DGKE: variants seen among roughly 807,000 people sequenced by gnomAD.
DGKE encodes the protein diacylglycerol kinase epsilon.
Under a neutral mutation model 70.0 loss-of-function variants are expected in DGKE, and 53 were observed. The observed-to-expected ratio is 0.76, with a 90% CI of 0.61 to 0.95. The LOEUF (loss-of-function observed/expected upper bound fraction) is 0.95. DGKE is among the 40% of genes least tolerant of loss of function. DGKE has a pLI of 0.00. For missense variants in DGKE, 655 were observed against 706.9 expected, an observed-to-expected ratio of 0.93 and a Z score of 0.83; for synonymous variants, 291 against 257.0, an observed-to-expected ratio of 1.13 and a Z score of -1.27.
chr17:56,850,201 C>T (rs1388555514), intron 7 of DGKE, among the ~76,000 whole-genome samples: 2 of 151,898 alleles, frequency 1.3e-5, no homozygotes, highest in Non-Finnish European at 2.9e-5. Context: ...TGACAGCTCA[C>T]TGCAGCCTCG....
chr17:56,836,459 A>G (rs1038520106), intron 2 of DGKE: 3 of 152,232 alleles, frequency 2.0e-5, no homozygotes, highest in Non-Finnish European at 4.4e-5. Context: ...AATAAATTTC[A>G]TAATGAATTG....
In DGKE at chr17:56,862,106, TC is replaced by T. The variant is rs971241685; in HGVS notation, c.1413-33del. The T allele has an allele frequency of 3.7e-6, 6 of 1,604,870 alleles. No homozygotes were observed. In the African/African-American group the frequency reaches 6.7e-5, roughly 18 times the overall value. The stretch of plus-strand genomic sequence containing the variant: ...CTAGCATAACTGATTTTTTATTGCA[TC>T]ATATAATCCATATTTTCTTTTTCCA... On this transcript the variant is annotated intron_variant, in intron 10 of 11. Transcript: ENST00000284061.
At chr17:56,862,327 C>CTAAA in intron 11 of DGKE, 76 bp downstream of exon 11, 1 of 1,341,990 alleles carries the variant, frequency 7.5e-7, no homozygotes, top group Non-Finnish European at 1.1e-6. Flanking sequence ...AATATACATG[C>CTAAA]TATACTTTTC....
intron 6 of DGKE, 136 bp downstream of exon 6, chr17:56,848,989 T>C (rs1414453834): frequency 3.0e-6 from 4 of 1,315,794 alleles, no homozygotes; most frequent in Non-Finnish European, 4.2e-6. Flanking sequence ...ACACAGATAC[T>C]GGTGTTTTGT....
At chr17:56,856,416 T>A (rs761358811) in intron 7 of DGKE, 96 bp from the exon 8 acceptor site, 2 of 1,337,004 alleles carry the variant, frequency 1.5e-6, no homozygotes, top group Non-Finnish European at 2.0e-6. Flanking sequence ...AGCATCTCCA[T>A]TGTCAAAAGA....
At chr17:56,849,339 T>C (rs1907510290) in intron 7 of DGKE, 107 bp downstream of exon 7, 2 of 1,005,402 alleles carry the variant, frequency 2.0e-6, no homozygotes, top group African/African-American at 1.6e-5. Flanking sequence ...GGGAGCTGGC[T>C]GTGGAGCAGA....
chr17:56,837,584 G>C (rs910268781), intron 2 of DGKE, among the ~76,000 whole-genome samples: 7 of 152,140 alleles, frequency 4.6e-5, no homozygotes, highest in Non-Finnish European at 8.8e-5. Context: ...ATTTATGTTG[G>C]CCAATAATTG....
Position 56,867,904 on chromosome 17 carries a change from T to TC in DGKE, c.*5115dup, listed in dbSNP as rs1908597532. On this transcript the variant is annotated 3_prime_UTR_variant, in exon 12 of 12. Coordinates refer to ENST00000284061, the MANE Select transcript of DGKE (RefSeq NM_003647.3). ...TGGGGCCTGGGCCAAAGAGTGAGAC[T>TC]CCATCTCAAAAAAAAAAAAAAAGAA... 7.1e-6 allele frequency: 1 copy of TC among 140,926 alleles called. No homozygotes were observed. The highest frequency in any genetic ancestry group is 1.5e-5 in the Non-Finnish European group (1 of 64,800). 8.7% of individuals were successfully genotyped at this position (140,926 alleles called of 1,614,324 possible).
chr17:56,854,856 G>A (rs1416954075), intron 7 of DGKE, among the ~76,000 whole-genome samples: 1 of 152,168 alleles, frequency 6.6e-6, no homozygotes, highest in Non-Finnish European at 1.5e-5. Flanking sequence ...TCAGCCATTT[G>A]CTGTCAAGAA....
At position 56,834,248 on chromosome 17, in the gene DGKE, C is replaced by A. The variant is rs1194934805; in HGVS notation, c.-31C>A. 1 of 152,570 alleles carries A rather than the reference C, an allele frequency of 6.6e-6. No individual in the cohort carries two copies. Among genetic ancestry groups the A allele is most frequent in the East Asian group, 1.9e-4 (1 of 5,198 alleles). The allele number at this position is 152,570 out of a possible 1,614,324, so 9.5% of individuals were successfully genotyped here. A position where few individuals can be genotyped will look rare whatever the true frequency, so the allele number is the denominator to read the frequency against. On this transcript the variant is annotated 5_prime_UTR_variant, in exon 1 of 12. Transcript: ENST00000284061. ...GGCCTGCTGGCCCGGAGCCGCGCCT[C>A]CACCCGCGCGAGGTAGGGCTTCGAG...
At chr17:56,843,895 G>T in intron 2 of DGKE, 124 bp from the exon 3 acceptor site, 20 of 899,244 alleles carry the variant, frequency 2.2e-5, no homozygotes, top group South Asian at 1.2e-4. Context: ...TATTTTATTT[G>T]CCAAATGTTA....
intron 9 of DGKE, among the ~76,000 whole-genome samples, chr17:56,860,266 A>G (rs1828174468): frequency 2.0e-5 from 3 of 152,222 alleles, no homozygotes; most frequent in Admixed American, 1.3e-4. Context: ...GTCTGGGCAC[A>G]GTGGCTCATG....
chr17:56,858,721 A>G, intron 9 of DGKE, 56 bp downstream of exon 9: 2 of 1,291,128 alleles, frequency 1.5e-6, no homozygotes, highest in Non-Finnish European at 2.2e-6. Flanking sequence ...TGGATTATGA[A>G]GACTTTTTAA....
rs928901732 is a variant in DGKE at position 56,863,524 on chromosome 17, G to A, written c.*733G>A. 5 of 152,180 alleles carry A rather than the reference G, an allele frequency of 3.3e-5. No individual in the cohort carries two copies. The highest frequency in any genetic ancestry group is 1.2e-4 in the African/African-American group (5 of 41,446). The allele number at this position is 152,180 out of a possible 1,614,324, so 9.4% of individuals were successfully genotyped here. On this transcript the variant is annotated 3_prime_UTR_variant, in exon 12 of 12. Transcript: ENST00000284061. ...GTAAGAAATAAGATTCAGAGCACTT[G>A]GGATTGTAAGTTATAGGTTCTGAGC...
chr17:56,861,953 T>C (rs773514043), intron 10 of DGKE, 35 bp downstream of exon 10: 9 of 1,563,022 alleles, frequency 5.8e-6, no homozygotes, highest in Non-Finnish European at 7.8e-6. Context: ...TTTATGTCAC[T>C]ATTTTATTTA....
In DGKE at chr17:56,847,946, C is replaced by G. The variant is rs1049451304; in HGVS notation, c.769C>G (p.Pro257Ala). ...GGTTTTTGATGTAACTAAAACTCCT[C>G]CTATCAAAGCCCTACAACTCTGTAC... ...VQVFDVTKTP[P>A]IKALQLCTLL... is the part of the protein sequence containing the mutation. The change falls in exon 5 of 12, where the codon CCT (proline) becomes GCT (alanine). Residue 257 changes from proline (P) to alanine (A), a missense_variant. By Grantham distance (27) the Pro-to-Ala change is conservative. Transcript: ENST00000284061. The G allele has an allele frequency of 6.4e-7, 1 of 1,569,518 alleles. No individual in the cohort carries two copies. Among genetic ancestry groups the G allele is most frequent in the African/African-American group, 1.4e-5 (1 of 72,574 alleles).
In DGKE at chr17:56,862,604, A is replaced by C. The variant is rs962546980; in HGVS notation, c.1525-8A>C. ...GACTTTTAAACATTATTTGTTCCCT[A>C]ATATCAGCTGATTTTGAAGTGCTCC... On this transcript the variant is annotated splice_polypyrimidine_tract_variant and splice_region_variant and intron_variant, in intron 11 of 11. Coordinates refer to ENST00000284061, the MANE Select transcript of DGKE (RefSeq NM_003647.3). 5.3e-6 allele frequency: 8 copies of C among 1,519,754 alleles called. No homozygotes were observed. In the African/African-American group the frequency reaches 7.0e-5, roughly 13 times the overall value. 94.1% of individuals were successfully genotyped at this position (1,519,754 alleles called of 1,614,324 possible).
chr17:56,840,315 TC>T (rs1197610074), intron 2 of DGKE, among the ~76,000 whole-genome samples: 1 of 152,214 alleles, frequency 6.6e-6, no homozygotes, highest in Non-Finnish European at 1.5e-5. Context: ...GAAGGTTAAC[TC>T]TTCATAATAC....
chr17:56,858,451 C>G (rs2144283233), intron 8 of DGKE, 143 bp from the exon 9 acceptor site: 1 of 594,070 alleles, frequency 1.7e-6, no homozygotes, highest in East Asian at 3.3e-5. Context: ...TTTGGTTGCC[C>G]TTCTTTTCAT....
Sources: allele counts gnomAD v4.1 joint callset (sites outside exome capture counted in the v4.1 genomes callset), GRCh38; gene constraint gnomAD v4.1.1; transcripts MANE v1.5; gene names NCBI Gene and HGNC (gene_info 2026-07-23, HGNC 2026-07-21).